HS6ST3: variants seen among roughly 807,000 people sequenced by gnomAD.
HS6ST3 encodes heparan-sulfate 6-O-sulfotransferase 3.
HS6ST3 carries 12 observed loss-of-function variants against 36.7 expected under a neutral mutation model. The ratio of observed to expected loss-of-function variants is 0.33; its 90% CI spans 0.21 to 0.53. HS6ST3 has a LOEUF of 0.53. Among genes scored for constraint, HS6ST3 ranks in the 20% least tolerant of loss-of-function variants. HS6ST3 has a pLI of 0.95. For synonymous variants in HS6ST3, 240 were observed against 257.5 expected, an observed-to-expected ratio of 0.93 and a Z score of 0.65; for missense variants, 584 against 640.9, an observed-to-expected ratio of 0.91 and a Z score of 0.96.
chr13:96,426,371 A>G (rs150638741), intron 1 of HS6ST3, among the ~76,000 whole-genome samples: 77 of 152,304 alleles, frequency 5.1e-4, no homozygotes, highest in Middle Eastern at 3.4e-3. Flanking sequence ...GTAATTGTCT[A>G]TAAGTGCTTG....
rs1428724263 is a variant in HS6ST3, at chr13:96,838,995, G to C, written c.*5797G>C. On this transcript the variant is annotated 3_prime_UTR_variant, in exon 2 of 2. Transcript: ENST00000376705. Reference sequence around the variant, plus strand: ...TGAGCCTGTGTTCCAAGATGTCTGTGGAAAGGATTGCAACTGTCATCCTTT... The same window carrying C: ...TGAGCCTGTGTTCCAAGATGTCTGTCGAAAGGATTGCAACTGTCATCCTTT... 1.3e-5 allele frequency: 2 copies of C among 152,198 alleles called. No homozygotes were observed. The highest frequency in any genetic ancestry group is 2.9e-5 in the Non-Finnish European group (2 of 68,044). The allele number at this position is 152,198 out of a possible 1,614,324, so 9.4% of individuals were successfully genotyped here.
rs566630559 is a variant in HS6ST3, at chr13:96,761,283, A to G, written c.708-71207A>G. On this transcript the variant is annotated intron_variant, in intron 1 of 1. Transcript: ENST00000376705. ...GTCCAGCTGTTTCATCAGCAGTTAT[A>G]TAATTAACTATCGTGATGATTTTCC... Among the ~76,000 whole-genome samples the G allele has an allele frequency of 2.0e-5, 3 of 152,028 alleles. No homozygotes were observed. The South Asian group carries it at 6.2e-4, about 32-fold the overall frequency.
At chr13:96,104,095 G>T (rs920989778) in intron 1 of HS6ST3, among the ~76,000 whole-genome samples, 4 of 151,996 alleles carry the variant, frequency 2.6e-5, no homozygotes, top group African/African-American at 7.2e-5. Context: ...AGTGACCTGA[G>T]AATGTAATTT....
intron 1 of HS6ST3, among the ~76,000 whole-genome samples, chr13:96,671,956 G>T (rs1037819519): frequency 6.6e-6 from 1 of 152,070 alleles, no homozygotes; most frequent in African/African-American, 2.4e-5. Context: ...TTAAAAGTTA[G>T]AATATTGCAT....
chr13:96,695,748 T>C (rs1224757504), intron 1 of HS6ST3, among the ~76,000 whole-genome samples: 1 of 151,998 alleles, frequency 6.6e-6, no homozygotes, highest in Non-Finnish European at 1.5e-5. Flanking sequence ...GTATGTACCC[T>C]TTGATATAGC....
At chr13:96,228,839 A>G (rs920553422) in intron 1 of HS6ST3, among the ~76,000 whole-genome samples, 1 of 152,198 alleles carries the variant, frequency 6.6e-6, no homozygotes, top group Non-Finnish European at 1.5e-5. Flanking sequence ...TAAAACAAAA[A>G]CCATACTAAT....
chr13:96,674,507 C>T (rs1304937785), intron 1 of HS6ST3, among the ~76,000 whole-genome samples: 1 of 152,032 alleles, frequency 6.6e-6, no homozygotes, highest in African/African-American at 2.4e-5. Context: ...GGGGTGTGAG[C>T]CAGGCTACTA....
intron 1 of HS6ST3, among the ~76,000 whole-genome samples, chr13:96,163,375 GC>G (rs1216285936): frequency 6.6e-6 from 1 of 151,628 alleles, no homozygotes; most frequent in African/African-American, 2.4e-5. Flanking sequence ...GACTACAGGC[GC>G]CCACCACCAT....
intron 1 of HS6ST3, among the ~76,000 whole-genome samples, chr13:96,109,127 T>C (rs2053856442): frequency 6.6e-6 from 1 of 152,204 alleles, no homozygotes; most frequent in South Asian, 2.1e-4. Context: ...ATGAACAGTA[T>C]TTGTAAAGTT....
chr13:96,628,868 T>C (rs2056522157), intron 1 of HS6ST3, among the ~76,000 whole-genome samples: 1 of 152,052 alleles, frequency 6.6e-6, no homozygotes, highest in Non-Finnish European at 1.5e-5. Flanking sequence ...TGTGTATATT[T>C]GCATATGTAC....
At chr13:96,710,075 G>A (rs575931449) in intron 1 of HS6ST3, among the ~76,000 whole-genome samples, 92 of 152,280 alleles carry the variant, frequency 6.0e-4, no homozygotes, top group Non-Finnish European at 4.1e-4. Context: ...GGTAGGTAAG[G>A]TAGATGAAAA....
At chr13:96,452,815 TC>T (rs1003393339) in intron 1 of HS6ST3, among the ~76,000 whole-genome samples, 1 of 151,996 alleles carries the variant, frequency 6.6e-6, no homozygotes, top group African/African-American at 2.4e-5. Context: ...GTTTTTTATT[TC>T]CCCCCCAGGG....
chr13:96,172,467 G>T (rs2054192926), intron 1 of HS6ST3, among the ~76,000 whole-genome samples: 1 of 152,024 alleles, frequency 6.6e-6, no homozygotes, highest in Non-Finnish European at 1.5e-5. Flanking sequence ...CTTAGCATTG[G>T]GTCCTCTTAT....
At chr13:96,333,466 G>T (rs1476404581) in intron 1 of HS6ST3, among the ~76,000 whole-genome samples, 1 of 152,202 alleles carries the variant, frequency 6.6e-6, no homozygotes, top group African/African-American at 2.4e-5. Context: ...CCAGGGCAAG[G>T]AAGAGAGTTT....
chr13:96,783,964 A>T (rs1877582451), intron 1 of HS6ST3, among the ~76,000 whole-genome samples: 1 of 152,132 alleles, frequency 6.6e-6, no homozygotes, highest in Non-Finnish European at 1.5e-5. Flanking sequence ...AAATATTCAG[A>T]AGAAAGAGCA....
chr13:96,630,477 A>G (rs966797538), intron 1 of HS6ST3, among the ~76,000 whole-genome samples: 1 of 152,260 alleles, frequency 6.6e-6, no homozygotes, highest in South Asian at 2.1e-4. Context: ...TCTCAGATTT[A>G]CTTTCTCTTA....
At chr13:96,325,905 A>C (rs1415623578) in intron 1 of HS6ST3, among the ~76,000 whole-genome samples, 3 of 152,176 alleles carry the variant, frequency 2.0e-5, no homozygotes, top group Non-Finnish European at 4.4e-5. Flanking sequence ...TATGTATCGT[A>C]AGATATGGTA....
intron 1 of HS6ST3, among the ~76,000 whole-genome samples, chr13:96,821,758 G>A (rs766017099): frequency 2.0e-5 from 3 of 152,126 alleles, no homozygotes; most frequent in Non-Finnish European, 4.4e-5. Flanking sequence ...TGTTTAATAT[G>A]CCAAAATGGT....
At chr13:96,768,845 A>G (rs1312479773) in intron 1 of HS6ST3, among the ~76,000 whole-genome samples, 5 of 151,464 alleles carry the variant, frequency 3.3e-5, no homozygotes, top group Non-Finnish European at 5.9e-5. Context: ...GTCAAGAAAA[A>G]CTCTAAACCC....
Sources: allele counts gnomAD v4.1 joint callset (sites outside exome capture counted in the v4.1 genomes callset), GRCh38; gene constraint gnomAD v4.1.1; transcripts MANE v1.5; gene names NCBI Gene and HGNC (gene_info 2026-07-23, HGNC 2026-07-21).